Variants in IFT80 observed in about 807,000 individuals in gnomAD.
IFT80 encodes the protein intraflagellar transport protein 80 homolog.
IFT80 carries 79 observed loss-of-function variants against 107.9 expected under a neutral mutation model. The ratio of observed to expected loss-of-function variants is 0.73; its 90% CI spans 0.61 to 0.88. The LOEUF (loss-of-function observed/expected upper bound fraction) is 0.88. Ranked by LOEUF, IFT80 falls within the 40% of genes least tolerant of loss-of-function variation. The pLI is 0.00. For missense variants in IFT80, 797 were observed against 914.2 expected, an observed-to-expected ratio of 0.87 and a Z score of 1.65; for synonymous variants, 299 against 300.9, an observed-to-expected ratio of 0.99 and a Z score of 0.07.
chr3:160,309,899 C>A (rs1222161312), intron 9 of IFT80, among the ~76,000 whole-genome samples: 1 of 151,904 alleles, frequency 6.6e-6, no homozygotes. Context: ...CCAAAATTTT[C>A]TGGTCAGAGA....
rs376853807 is a variant in IFT80 at position 160,357,557 on chromosome 3, T to C, written c.571A>G (p.Ile191Val). ...VLQWKAHDGI[I>V]LKVDWNSVND... ...ACCGAGTTCCAATCTACTTTTAAAA[T>C]AATGCCATCATGAGCTTTCCACTGT... The change falls in exon 7 of 20, where the codon ATT becomes GTT. Residue 191 changes from isoleucine (I) to valine (V), a missense_variant. Physicochemically the swap from Ile to Val is conservative, Grantham distance 29. Coordinates refer to ENST00000326448, the MANE Select transcript of IFT80 (RefSeq NM_020800.3). 137 of 1,598,198 alleles carry C rather than the reference T, an allele frequency of 8.6e-5. No homozygotes were observed. The highest frequency in any genetic ancestry group is 1.1e-4 in the Non-Finnish European group (130 of 1,166,000).
At position 160,357,754 on chromosome 3, in the gene IFT80, T is replaced by C. The variant is rs547790847; in HGVS notation, c.550-176A>G. ...ATTTGCTTGTTTCATTTGTAATTTATACTAATGTAAGCACCTAGCACCTAA... is the reference window on the plus strand; with the variant it reads ...ATTTGCTTGTTTCATTTGTAATTTACACTAATGTAAGCACCTAGCACCTAA... On this transcript the variant is annotated intron_variant, in intron 6 of 19. Transcript: ENST00000326448. Among the ~76,000 whole-genome samples the C allele has an allele frequency of 1.4e-4, 22 of 152,358 alleles. No homozygotes were observed. The South Asian group carries it at 3.5e-3, about 24-fold the overall frequency.
intron 8 of IFT80, among the ~76,000 whole-genome samples, chr3:160,354,598 A>C (rs1177478599): frequency 1.3e-5 from 2 of 152,150 alleles, no homozygotes; most frequent in African/African-American, 4.8e-5. Context: ...GCCTGCAGTG[A>C]GCTGAGACCG....
intron 12 of IFT80, among the ~76,000 whole-genome samples, chr3:160,294,817 C>A (rs1472377175): frequency 6.6e-6 from 1 of 152,176 alleles, no homozygotes; most frequent in Non-Finnish European, 1.5e-5. Flanking sequence ...TCAGAACTAT[C>A]CTCTCCGTAT....
intron 8 of IFT80, among the ~76,000 whole-genome samples, chr3:160,321,457 A>G (rs1474104165): frequency 1.3e-5 from 2 of 151,932 alleles, no homozygotes; most frequent in African/African-American, 2.4e-5. Context: ...TTTAATTTCT[A>G]TTTTAAAACC....
At chr3:160,370,014 C>T (rs571117484) in intron 5 of IFT80, among the ~76,000 whole-genome samples, 4 of 152,084 alleles carry the variant, frequency 2.6e-5, no homozygotes, top group African/African-American at 9.7e-5. Flanking sequence ...TATCTAAATT[C>T]TTTCAACCTG....
intron 1 of IFT80, among the ~76,000 whole-genome samples, chr3:160,387,396 C>G (rs1416744542): frequency 6.6e-6 from 1 of 152,084 alleles, no homozygotes; most frequent in African/African-American, 2.4e-5. Context: ...CCCAGCTACT[C>G]AGGAGGCTGA....
chr3:160,318,583 C>A (rs1717987792), intron 9 of IFT80, among the ~76,000 whole-genome samples: 2 of 152,118 alleles, frequency 1.3e-5, no homozygotes, highest in South Asian at 4.2e-4. Context: ...AAAGATGAGC[C>A]ATGAAGATAC....
rs979368571 is a variant in IFT80, at chr3:160,257,037, C to T, written c.*1488G>A. On this transcript the variant is annotated 3_prime_UTR_variant, in exon 20 of 20. Coordinates refer to ENST00000326448, the MANE Select transcript of IFT80 (RefSeq NM_020800.3). ...TTTGCATTTATTGTGGTAAAATATA[C>T]ATAACATAAAACCTTTTAACCATTT... is the stretch of plus-strand genomic sequence containing the variant. The T allele has an allele frequency of 2.6e-5, 4 of 152,126 alleles. No homozygotes were observed. Among genetic ancestry groups the T allele is most frequent in the African/African-American group, 7.2e-5 (3 of 41,492 alleles). 9.4% of individuals were successfully genotyped at this position (152,126 alleles called of 1,614,324 possible).
chr3:160,390,745 A>T (rs1210864015), intron 1 of IFT80, among the ~76,000 whole-genome samples: 2 of 152,246 alleles, frequency 1.3e-5, no homozygotes, highest in Non-Finnish European at 2.9e-5. Flanking sequence ...TGGCCACACA[A>T]GGCATTAATA....
chr3:160,277,545 A>G (rs760423688), intron 17 of IFT80, 36 bp downstream of exon 17: 3 of 1,583,642 alleles, frequency 1.9e-6, no homozygotes, highest in Non-Finnish European at 2.6e-6. Flanking sequence ...GCTAAGAAAA[A>G]ACACATGTAC....
chr3:160,339,039 G>C (rs1179552188), intron 8 of IFT80, among the ~76,000 whole-genome samples: 2 of 152,126 alleles, frequency 1.3e-5, no homozygotes, highest in Non-Finnish European at 2.9e-5. Flanking sequence ...ACAGTGTCTT[G>C]GAACTCCAGC....
intron 14 of IFT80, among the ~76,000 whole-genome samples, chr3:160,281,548 T>C (rs959473443): frequency 9.2e-5 from 14 of 152,084 alleles, no homozygotes; most frequent in Non-Finnish European, 1.6e-4. Flanking sequence ...AAATAATAAT[T>C]GGTTGCAGCC....
chr3:160,258,485 T>TG lies in IFT80; in HGVS notation c.*39dup, dbSNP rs1446639674. 1 of 1,612,420 alleles carries TG rather than the reference T, an allele frequency of 6.2e-7. No homozygotes were observed. The stretch of plus-strand genomic sequence containing the variant: ...TGCTTACCCTTGGTTAATCAGAACG[T>TG]GTTTCAAAAGATAAAATTTCTTAAA... On this transcript the variant is annotated 3_prime_UTR_variant, in exon 20 of 20. Transcript: ENST00000326448.
At chr3:160,335,397 T>C (rs1401628530) in intron 8 of IFT80, among the ~76,000 whole-genome samples, 2 of 151,980 alleles carry the variant, frequency 1.3e-5, no homozygotes, top group Non-Finnish European at 2.9e-5. Context: ...AATTTTTGTA[T>C]TTTTAGTAGA....
rs192387448 is a variant in IFT80, at chr3:160,355,993, T to C, written c.777+20A>G. 2.9e-3 allele frequency: 4,758 copies of C among 1,613,674 alleles called. 8 individuals carry two copies. The highest frequency in any genetic ancestry group is 3.7e-3 in the Admixed American group (225 of 60,018). Reference sequence around the variant, plus strand: ...ACATTTATGACAGCACATCTGTGATTGCTCACCACTATAACTTACCCCAGT... The same window carrying C: ...ACATTTATGACAGCACATCTGTGATCGCTCACCACTATAACTTACCCCAGT... On this transcript the variant is annotated intron_variant, in intron 8 of 19. Transcript: ENST00000326448.
At position 160,272,800 on chromosome 3, in the gene IFT80, T is replaced by G. The variant is rs538738449; in HGVS notation, c.2100-4264A>C. On this transcript the variant is annotated intron_variant, in intron 18 of 19. Transcript: ENST00000326448. Reference sequence around the variant, plus strand: ...GGGCCTTATGAACTGGATGTAGAAATTCAATTAAAGGTAAACAAATTCAAA... The same window carrying G: ...GGGCCTTATGAACTGGATGTAGAAAGTCAATTAAAGGTAAACAAATTCAAA... 1.2e-4 allele frequency among the ~76,000 whole-genome samples: 18 copies of G among 152,286 alleles called. No homozygotes were observed. In the South Asian group the frequency reaches 3.5e-3, roughly 30 times the overall value.
chr3:160,279,573 AC>A (rs1347536171), intron 15 of IFT80, among the ~76,000 whole-genome samples: 1 of 152,230 alleles, frequency 6.6e-6, no homozygotes, highest in East Asian at 1.9e-4. Context: ...CCTGGAATTA[AC>A]TTTGAATGTA....
intron 12 of IFT80, among the ~76,000 whole-genome samples, chr3:160,286,383 G>A (rs1715092822): frequency 2.0e-5 from 3 of 152,194 alleles, no homozygotes; most frequent in African/African-American, 7.2e-5. Context: ...CTTCTTAAGG[G>A]AAATGGAGAT....
Sources: allele counts gnomAD v4.1 joint callset (sites outside exome capture counted in the v4.1 genomes callset), GRCh38; gene constraint gnomAD v4.1.1; transcripts MANE v1.5; gene names NCBI Gene and HGNC (gene_info 2026-07-23, HGNC 2026-07-21).